The following NEDD4L variants were observed in gnomAD, a reference collection of about 807,000 sequenced individuals.
The protein encoded by NEDD4L is E3 ubiquitin-protein ligase NEDD4-like.
Under a neutral mutation model 148.9 loss-of-function variants are expected in NEDD4L, and 54 were observed. The observed-to-expected ratio is 0.36, with a 90% CI of 0.29 to 0.45. The LOEUF is 0.45. Ranked by LOEUF, NEDD4L falls within the 20% of genes least tolerant of loss-of-function variation. The pLI, the probability that NEDD4L is intolerant of heterozygous loss-of-function variation, is 1.00. For missense variants in NEDD4L, 856 were observed against 1,233.8 expected, an observed-to-expected ratio of 0.69 and a Z score of 4.59; for synonymous variants, 433 against 440.7, an observed-to-expected ratio of 0.98 and a Z score of 0.22.
chr18:58,144,376 C>T (rs1315390804), intron 1 of NEDD4L, among the ~76,000 whole-genome samples: 1 of 151,970 alleles, frequency 6.6e-6, no homozygotes, highest in Admixed American at 6.5e-5. Flanking sequence ...TTGGGTCACA[C>T]ACTTTTAAAC....
At chr18:58,362,807 G>A (rs1017989665) in intron 19 of NEDD4L, among the ~76,000 whole-genome samples, 14 of 152,218 alleles carry the variant, frequency 9.2e-5, no homozygotes, top group African/African-American at 3.4e-4. Context: ...AGTTTGTGAC[G>A]GGATGTACTG....
chr18:58,355,198 G>A (rs1568824705), intron 18 of NEDD4L, among the ~76,000 whole-genome samples: 3 of 152,124 alleles, frequency 2.0e-5, no homozygotes, highest in Admixed American at 6.5e-5. Flanking sequence ...TCCCAGTGAC[G>A]CCCAGAGAAC....
chr18:58,311,859 C>T (rs2057740453), intron 5 of NEDD4L, among the ~76,000 whole-genome samples: 1 of 152,224 alleles, frequency 6.6e-6, no homozygotes, highest in African/African-American at 2.4e-5. Context: ...TGCCCATAGG[C>T]TATAATCTCT....
chr18:58,314,872 A>G (rs1239363958), intron 5 of NEDD4L, among the ~76,000 whole-genome samples: 1 of 152,258 alleles, frequency 6.6e-6, no homozygotes, highest in Non-Finnish European at 1.5e-5. Context: ...AGTCATTTCA[A>G]TAAATCTCAT....
intron 2 of NEDD4L, among the ~76,000 whole-genome samples, chr18:58,209,612 G>A (rs1163750283): frequency 1.3e-5 from 2 of 149,750 alleles, no homozygotes; most frequent in Middle Eastern, 3.4e-3. Flanking sequence ...GCATCATAGA[G>A]CATATCACCT....
At chr18:58,097,129 A>G (rs1486270177) in intron 1 of NEDD4L, among the ~76,000 whole-genome samples, 1 of 152,214 alleles carries the variant, frequency 6.6e-6, no homozygotes, top group African/African-American at 2.4e-5. Flanking sequence ...TGAATGCACG[A>G]AGATTGTTTT....
chr18:58,134,769 ATTTT>A (rs71173032), intron 1 of NEDD4L, among the ~76,000 whole-genome samples: 4 of 131,402 alleles, frequency 3.0e-5, no homozygotes, highest in Admixed American at 7.7e-5. Flanking sequence ...AGCAATTTTC[ATTTT>A]TTTTTTTTTT....
At chr18:58,146,388 C>G (rs1395765180) in intron 1 of NEDD4L, among the ~76,000 whole-genome samples, 3 of 152,030 alleles carry the variant, frequency 2.0e-5, no homozygotes, top group Non-Finnish European at 4.4e-5. Flanking sequence ...GGGTGTGGAC[C>G]ACGGTGATCC....
chr18:58,261,038 G>A (rs914828519), intron 5 of NEDD4L, among the ~76,000 whole-genome samples: 3 of 152,170 alleles, frequency 2.0e-5, no homozygotes, highest in African/African-American at 4.8e-5. Flanking sequence ...TCCCCTAGCA[G>A]GTTAATTAGG....
intron 2 of NEDD4L, among the ~76,000 whole-genome samples, chr18:58,236,333 G>A (rs767664170): frequency 1.3e-5 from 2 of 151,994 alleles, no homozygotes; most frequent in Non-Finnish European, 2.9e-5. Context: ...CTCCAGCCTG[G>A]GTGACAGAGC....
At chr18:58,253,076 A>G (rs1246812794) in intron 5 of NEDD4L, among the ~76,000 whole-genome samples, 1 of 152,234 alleles carries the variant, frequency 6.6e-6, no homozygotes, top group Admixed American at 6.5e-5. Flanking sequence ...CTTGTATGGT[A>G]TGTTGACTGG....
intron 1 of NEDD4L, among the ~76,000 whole-genome samples, chr18:58,056,003 A>G (rs1422212897): frequency 6.6e-6 from 1 of 152,214 alleles, no homozygotes; most frequent in Admixed American, 6.5e-5. Flanking sequence ...ATGCATAGCT[A>G]TACTCACCTG....
intron 2 of NEDD4L, among the ~76,000 whole-genome samples, chr18:58,218,208 A>G (rs1257044536): frequency 6.6e-6 from 1 of 152,170 alleles, no homozygotes. Flanking sequence ...CATTGAAACA[A>G]GCTGATCCAT....
chr18:58,097,400 C>A (rs867965208), intron 1 of NEDD4L, among the ~76,000 whole-genome samples: 1 of 151,276 alleles, frequency 6.6e-6, no homozygotes, highest in Non-Finnish European at 1.5e-5. Context: ...GAACCTAAAA[C>A]AAACACATGT....
At position 58,149,539 on chromosome 18, in the gene NEDD4L, A is replaced by G. The variant is rs1028100528; in HGVS notation, c.49-16249A>G. 11 of 1,550,906 alleles carry G rather than the reference A, an allele frequency of 7.1e-6. No individual in the cohort carries two copies. In the African/African-American group the frequency reaches 1.2e-4, roughly 17 times the overall value. On this transcript the variant is annotated intron_variant, in intron 1 of 30. Coordinates refer to ENST00000400345, the MANE Select transcript of NEDD4L (RefSeq NM_001144967.3). ...CTTTAATATTGTATTCTCCTAAATGAGACGTCTCGCATTTGAGCAGGTAAC... is the reference window on the plus strand; with the variant it reads ...CTTTAATATTGTATTCTCCTAAATGGGACGTCTCGCATTTGAGCAGGTAAC...
intron 5 of NEDD4L, among the ~76,000 whole-genome samples, chr18:58,289,086 A>G (rs1337018395): frequency 6.6e-6 from 1 of 152,226 alleles, no homozygotes; most frequent in Non-Finnish European, 1.5e-5. Context: ...CACTTGTAAA[A>G]ATAAATGAAT....
chr18:58,342,543 G>A (rs1250946186), intron 15 of NEDD4L, among the ~76,000 whole-genome samples: 1 of 151,856 alleles, frequency 6.6e-6, no homozygotes, highest in Non-Finnish European at 1.5e-5. Context: ...TTTCCTTTTT[G>A]TGCTCTAAAA....
At chr18:58,077,103 A>G (rs1006371288) in intron 1 of NEDD4L, among the ~76,000 whole-genome samples, 1 of 146,108 alleles carries the variant, frequency 6.8e-6, no homozygotes, top group Non-Finnish European at 1.5e-5. Flanking sequence ...TGCCCGCCTC[A>G]GCCTCCCAAA....
chr18:58,060,257 A>G (rs2082271858), intron 1 of NEDD4L, among the ~76,000 whole-genome samples: 2 of 152,128 alleles, frequency 1.3e-5, no homozygotes, highest in Non-Finnish European at 1.5e-5. Context: ...CTGGGACTAT[A>G]TTGTTTGAGG....
Sources: allele counts gnomAD v4.1 joint callset (sites outside exome capture counted in the v4.1 genomes callset), GRCh38; gene constraint gnomAD v4.1.1; transcripts MANE v1.5; gene names NCBI Gene and HGNC (gene_info 2026-07-23, HGNC 2026-07-21).